OLIG3: variants seen among roughly 807,000 people sequenced by gnomAD.
OLIG3 encodes class B basic helix-loop-helix protein 7.
A neutral mutation model predicts 14.7 loss-of-function variants in OLIG3; 12 were observed. The ratio of observed to expected loss-of-function variants is 0.82; its 90% CI spans 0.52 to 1.32. OLIG3 has a LOEUF of 1.32. Among genes scored for constraint, OLIG3 ranks in the 40% most tolerant of loss-of-function variants. The pLI is 0.00. For synonymous variants in OLIG3, 192 were observed against 171.4 expected, an observed-to-expected ratio of 1.12 and a Z score of -0.94; for missense variants, 405 against 373.7, an observed-to-expected ratio of 1.08 and a Z score of -0.69.
Position 137,493,703 on chromosome 6 carries a change from G to T in OLIG3, c.468C>A (p.His156Gln). The T allele has an allele frequency of 1.2e-6, 2 of 1,612,942 alleles. No homozygotes were observed. The highest frequency in any genetic ancestry group is 8.5e-7 in the Non-Finnish European group (1 of 1,180,026). The change falls in exon 1 of 1, where the codon CAC becomes CAA. Residue 156 changes from histidine to glutamine, a missense_variant. His to Gln is a conservative substitution (Grantham distance 24, BLOSUM62 0). Transcript: ENST00000367734. The surrounding 1 kb of genome is among the most constrained non-coding windows in gnomAD (Gnocchi z 6.1). The stretch of plus-strand genomic sequence containing the variant: ...CCACGGTCCCGCAGTGAAAGGCCGA[G>T]TGGTGGCCCCCATAGATCTCGCCAA... Reference protein sequence around the residue: ...RLVGEIYGGHHSAFHCGTVGH... With the variant: ...RLVGEIYGGHQSAFHCGTVGH...
rs773651981 is a variant in OLIG3, at chr6:137,493,315, C to A, written c.*37G>T. ...CCCGGCACCGCGGCCCCTCCCGCCG[C>A]TCTCCCTCCTCCTTGGCAGCCGGGC... On this transcript the variant is annotated 3_prime_UTR_variant, in exon 1 of 1. Transcript: ENST00000367734. The surrounding 1 kb of genome is among the most constrained non-coding windows in gnomAD (Gnocchi z 6.1). The A allele has an allele frequency of 6.1e-5, 91 of 1,483,404 alleles. No homozygotes were observed. The Middle Eastern group carries it at 1.4e-3, about 24-fold the overall frequency. 91.9% of individuals were successfully genotyped at this position (1,483,404 alleles called of 1,614,324 possible). A position where few individuals can be genotyped will look rare whatever the true frequency, so the allele number is the denominator to read the frequency against.
chr6:137,492,313 G>T lies in OLIG3; in HGVS notation c.*1039C>A, dbSNP rs905244133. 1 of 152,616 alleles carries T rather than the reference G, an allele frequency of 6.6e-6. No homozygotes were observed. Among genetic ancestry groups the T allele is most frequent in the African/African-American group, 2.4e-5 (1 of 41,392 alleles). 9.5% of individuals were successfully genotyped at this position (152,616 alleles called of 1,614,324 possible). On this transcript the variant is annotated 3_prime_UTR_variant, in exon 1 of 1. Coordinates refer to ENST00000367734, the MANE Select transcript of OLIG3 (RefSeq NM_175747.2). ...AATAAAGACAGGTATCGTCTTTGAGGCCCTAACAAAATATTTCAAGCAAAT... is the reference window on the plus strand; with the variant it reads ...AATAAAGACAGGTATCGTCTTTGAGTCCCTAACAAAATATTTCAAGCAAAT...
rs1373280784 is a variant in OLIG3 at position 137,493,153 on chromosome 6, A to G, written c.*199T>C. The G allele has an allele frequency of 3.8e-6, 2 of 530,598 alleles. No individual in the cohort carries two copies. Among genetic ancestry groups the G allele is most frequent in the Non-Finnish European group, 6.6e-6 (2 of 305,252 alleles). The allele number at this position is 530,598 out of a possible 1,614,324, so 32.9% of individuals were successfully genotyped here. A position where few individuals can be genotyped will look rare whatever the true frequency, so the allele number is the denominator to read the frequency against. The stretch of plus-strand genomic sequence containing the variant: ...CGAGTCCCCCTTTGCTACCACCTAG[A>G]AATTGCGGTTTGATTTTGGTCCTTT... On this transcript the variant is annotated 3_prime_UTR_variant, in exon 1 of 1. Transcript: ENST00000367734. This position sits in a 1 kb window ranked among gnomAD's most constrained non-coding sequence, Gnocchi z 6.1.
rs1292967870 is a variant in OLIG3, at chr6:137,493,536, G to A, written c.635C>T (p.Pro212Leu). 6.3e-7 allele frequency: 1 copy of A among 1,581,526 alleles called. No individual in the cohort carries two copies. Residue 212 changes from proline to leucine, a missense_variant, in exon 1 of 1, where the codon CCC becomes CTC. Physicochemically the swap from Pro to Leu is moderately conservative, Grantham distance 98. This residue lies in a region of OLIG3 where 230 missense variants were observed against 178.5 expected (regional missense o/e 1.29). Coordinates refer to ENST00000367734, the MANE Select transcript of OLIG3 (RefSeq NM_175747.2). This position sits in a 1 kb window ranked among gnomAD's most constrained non-coding sequence, Gnocchi z 6.1. Reference sequence around the variant, plus strand: ...GGAGGGCGCCTTGAGTAGCGAGTGGGGAGGCCGGATGGTGCCGATGGCGGG... The same window carrying A: ...GGAGGGCGCCTTGAGTAGCGAGTGGAGAGGCCGGATGGTGCCGATGGCGGG... ...SLPAIGTIRPPHSLLKAPSTP... is the reference protein window; with the variant it reads ...SLPAIGTIRPLHSLLKAPSTP...
At position 137,492,440 on chromosome 6, in the gene OLIG3, G is replaced by C. The variant is rs188211517; in HGVS notation, c.*912C>G. 1.3e-5 allele frequency: 2 copies of C among 152,706 alleles called. No individual in the cohort carries two copies. The highest frequency in any genetic ancestry group is 4.8e-5 in the African/African-American group (2 of 41,514). The allele number at this position is 152,706 out of a possible 1,614,324, so 9.5% of individuals were successfully genotyped here. ...CGCATGCAGAATAACTGAGCGAGGG[G>C]GGGTGGCGCAAGCTACTAGAGGGAG... On this transcript the variant is annotated 3_prime_UTR_variant, in exon 1 of 1. Coordinates refer to ENST00000367734, the MANE Select transcript of OLIG3 (RefSeq NM_175747.2).
At position 137,493,412 on chromosome 6, in the gene OLIG3, G is replaced by A; in HGVS notation, c.759C>T (p.Ser253=). 2 of 1,592,870 alleles carry A rather than the reference G, an allele frequency of 1.3e-6. No individual in the cohort carries two copies. Among genetic ancestry groups the A allele is most frequent in the Non-Finnish European group, 1.7e-6 (2 of 1,175,588 alleles). The change falls in exon 1 of 1, where the codon TCC becomes TCT. Residue 253 remains serine (S), a synonymous_variant. Transcript: ENST00000367734. This position sits in a 1 kb window ranked among gnomAD's most constrained non-coding sequence, Gnocchi z 6.1. ...GGGCCATGTTGGCTGTGGAGAGAGC[G>A]GACAGGTGCGGCGGCGGCGGCATCT... ...ICQMPPPPHL[S]ALSTANMARL...
In OLIG3 at chr6:137,493,187, G is replaced by C; in HGVS notation, c.*165C>G. 2 of 570,030 alleles carry C rather than the reference G, an allele frequency of 3.5e-6. No homozygotes were observed. Among genetic ancestry groups the C allele is most frequent in the Non-Finnish European group, 2.9e-6 (1 of 341,858 alleles). The allele number at this position is 570,030 out of a possible 1,614,324, so 35.3% of individuals were successfully genotyped here. ...TTTGATTTTGGTCCTTTCCCTCCGG[G>C]GGTCAAGTGGAGTCTGAGATCTCTC... On this transcript the variant is annotated 3_prime_UTR_variant, in exon 1 of 1. Transcript: ENST00000367734. This position sits in a 1 kb window ranked among gnomAD's most constrained non-coding sequence, Gnocchi z 6.1.
In OLIG3 at chr6:137,493,967, G is replaced by T; in HGVS notation, c.204C>A (p.Ser68Arg). 2 of 1,614,084 alleles carry T rather than the reference G, an allele frequency of 1.2e-6. No individual in the cohort carries two copies. Among genetic ancestry groups the T allele is most frequent in the Non-Finnish European group, 1.7e-6 (2 of 1,180,048 alleles). Residue 68 changes from serine (S) to arginine (R), a missense_variant, in exon 1 of 1, where the codon AGC becomes AGA. By Grantham distance (110) the Ser-to-Arg change is moderately radical. This residue lies in a region of OLIG3 where 165 missense variants were observed against 165.5 expected (regional missense o/e 1.00). Transcript: ENST00000367734. This position sits in a 1 kb window ranked among gnomAD's most constrained non-coding sequence, Gnocchi z 6.1. ...ACAGCTGCTTCTTGATTTTGTACTT[G>T]CTGCTCTCTCCCGCGGCCTTGGCGC... is the stretch of plus-strand genomic sequence containing the variant. ...RAGAKAAGES[S>R]KYKIKKQLSE...
chr6:137,494,196 C>A lies in OLIG3; in HGVS notation c.-26G>T, dbSNP rs377491902. Reference sequence around the variant, plus strand: ...TTTATTACAGGGGATGCGGCCCTACCGTGGGGAGGCTTTAGGCGGGAAATT... The same window carrying A: ...TTTATTACAGGGGATGCGGCCCTACAGTGGGGAGGCTTTAGGCGGGAAATT... On this transcript the variant is annotated 5_prime_UTR_variant, in exon 1 of 1. Transcript: ENST00000367734. 1 of 1,566,184 alleles carries A rather than the reference C, an allele frequency of 6.4e-7. No homozygotes were observed. The highest frequency in any genetic ancestry group is 8.7e-7 in the Non-Finnish European group (1 of 1,152,496).
rs770588790 is a variant in OLIG3 at position 137,494,103 on chromosome 6, C to T, written c.68G>A (p.Arg23Lys). ...SSPDMDEMYL[R>K]DHHHRHHHHQ... ...GTGGTGGTGGCGGTGGTGGTGGTCC[C>T]TCAGGTACATCTCATCCATGTCCGG... The change falls in exon 1 of 1, where the codon AGG becomes AAG. Residue 23 changes from arginine (R) to lysine (K), a missense_variant. By Grantham distance (26) the Arg-to-Lys change is conservative. Coordinates refer to ENST00000367734, the MANE Select transcript of OLIG3 (RefSeq NM_175747.2). 2 of 1,613,220 alleles carry T rather than the reference C, an allele frequency of 1.2e-6. No homozygotes were observed. Among genetic ancestry groups the T allele is most frequent in the South Asian group, 1.1e-5 (1 of 91,082 alleles).
chr6:137,492,965 A>C lies in OLIG3; in HGVS notation c.*387T>G, dbSNP rs1174749248. ...CCGTCTTTTTCCAAAGCGAGAACAC[A>C]GAGTCAGAGAAAGCCAACTCAAAAG... On this transcript the variant is annotated 3_prime_UTR_variant, in exon 1 of 1. Transcript: ENST00000367734. 5.4e-6 allele frequency: 1 copy of C among 184,554 alleles called. No homozygotes were observed. Among genetic ancestry groups the C allele is most frequent in the African/African-American group, 2.4e-5 (1 of 42,484 alleles). The allele number at this position is 184,554 out of a possible 1,614,324, so 11.4% of individuals were successfully genotyped here.
In OLIG3 at chr6:137,494,254, G is replaced by T. The variant is rs1433976717; in HGVS notation, c.-84C>A. On this transcript the variant is annotated 5_prime_UTR_variant, in exon 1 of 1. Coordinates refer to ENST00000367734, the MANE Select transcript of OLIG3 (RefSeq NM_175747.2). The stretch of plus-strand genomic sequence containing the variant: ...ATCTTGAATTAAAAAAAAAAAATCT[G>T]CACTGCCCAGGAACCCACTTCTCCG... 14 of 1,125,870 alleles carry T rather than the reference G, an allele frequency of 1.2e-5. No individual in the cohort carries two copies. Among genetic ancestry groups the T allele is most frequent in the Non-Finnish European group, 1.8e-5 (14 of 781,522 alleles). The allele number at this position is 1,125,870 out of a possible 1,614,324, so 69.7% of individuals were successfully genotyped here. A position where few individuals can be genotyped will look rare whatever the true frequency, so the allele number is the denominator to read the frequency against.
In OLIG3 at chr6:137,493,326, C is replaced by T. The variant is rs1384063947; in HGVS notation, c.*26G>A. 1.3e-6 allele frequency: 2 copies of T among 1,521,376 alleles called. No homozygotes were observed. The highest frequency in any genetic ancestry group is 4.0e-5 in the Admixed American group (2 of 50,498). The allele number at this position is 1,521,376 out of a possible 1,614,324, so 94.2% of individuals were successfully genotyped here. On this transcript the variant is annotated 3_prime_UTR_variant, in exon 1 of 1. Coordinates refer to ENST00000367734, the MANE Select transcript of OLIG3 (RefSeq NM_175747.2). This position sits in a 1 kb window ranked among gnomAD's most constrained non-coding sequence, Gnocchi z 6.1. ...GGCCCCTCCCGCCGCTCTCCCTCCT[C>T]CTTGGCAGCCGGGCCCGCCCGCTGC...
In OLIG3 at chr6:137,493,263, G is replaced by A. The variant is rs187394049; in HGVS notation, c.*89C>T. The A allele has an allele frequency of 8.4e-5, 93 of 1,112,846 alleles. No individual in the cohort carries two copies. In the African/African-American group the frequency reaches 1.4e-3, roughly 17 times the overall value. The allele number at this position is 1,112,846 out of a possible 1,614,324, so 68.9% of individuals were successfully genotyped here. ...CGGAGCCTGCCCTCCCGTGGGCCGA[G>A]CGTGCAGCCTCCCTCTTCCCTCCCG... On this transcript the variant is annotated 3_prime_UTR_variant, in exon 1 of 1. Coordinates refer to ENST00000367734, the MANE Select transcript of OLIG3 (RefSeq NM_175747.2). The surrounding 1 kb of genome is among the most constrained non-coding windows in gnomAD (Gnocchi z 6.1).
rs766282307 is a variant in OLIG3 at position 137,493,814 on chromosome 6, G to A, written c.357C>T (p.Arg119=). The stretch of plus-strand genomic sequence containing the variant: ...GGAGTGTGGCGATCTTGGAGAGCTT[G>A]CGCACCGACGGCCCATGCGCGTAGG... ...VMPYAHGPSV[R]KLSKIATLLL... is the part of the protein sequence containing the mutation. Residue 119 remains arginine, a synonymous_variant, in exon 1 of 1, where the codon CGC becomes CGT. Transcript: ENST00000367734. The surrounding 1 kb of genome is among the most constrained non-coding windows in gnomAD (Gnocchi z 6.1). The A allele has an allele frequency of 1.9e-5, 31 of 1,614,110 alleles. No individual in the cohort carries two copies. Among genetic ancestry groups the A allele is most frequent in the African/African-American group, 4.0e-5 (3 of 74,952 alleles).
In OLIG3 at chr6:137,493,907, G is replaced by C; in HGVS notation, c.264C>G (p.Ile88Met). The change falls in exon 1 of 1, where the codon ATC (isoleucine) becomes ATG (methionine). Residue 88 changes from isoleucine (I) to methionine (M), a missense_variant. Physicochemically the swap from Ile to Met is conservative, Grantham distance 10. Coordinates refer to ENST00000367734, the MANE Select transcript of OLIG3 (RefSeq NM_175747.2). The surrounding 1 kb of genome is among the most constrained non-coding windows in gnomAD (Gnocchi z 6.1). ...EQDLQQLRLKINGRERKRMHD... is the reference protein window; with the variant it reads ...EQDLQQLRLKMNGRERKRMHD... ...GCATCCGCTTGCGTTCGCGTCCGTTGATCTTCAGCCTCAACTGCTGTAGGT... is the reference window on the plus strand; with the variant it reads ...GCATCCGCTTGCGTTCGCGTCCGTTCATCTTCAGCCTCAACTGCTGTAGGT... The C allele has an allele frequency of 6.2e-7, 1 of 1,614,224 alleles. No homozygotes were observed. The highest frequency in any genetic ancestry group is 8.5e-7 in the Non-Finnish European group (1 of 1,180,040).
Position 137,492,399 on chromosome 6 carries a change from T to C in OLIG3, c.*953A>G, listed in dbSNP as rs542728732. The C allele has an allele frequency of 7.1e-4, 108 of 152,400 alleles. 1 individual carries two copies. Among genetic ancestry groups the C allele is most frequent in the African/African-American group, 2.5e-3 (104 of 41,402 alleles). 9.4% of individuals were successfully genotyped at this position (152,400 alleles called of 1,614,324 possible). On this transcript the variant is annotated 3_prime_UTR_variant, in exon 1 of 1. Coordinates refer to ENST00000367734, the MANE Select transcript of OLIG3 (RefSeq NM_175747.2). ...CAGGATAAGTTTTCAAAGCTGATAA[T>C]AGAGAGAGCCAACCCCGCATGCAGA...
Position 137,493,407 on chromosome 6 carries a change from A to G in OLIG3, c.764T>C (p.Leu255Pro), listed in dbSNP as rs760802172. The G allele has an allele frequency of 7.5e-6, 12 of 1,594,008 alleles. No homozygotes were observed. The African/African-American group carries it at 8.0e-5, about 11-fold the overall frequency. The change falls in exon 1 of 1, where the codon CTC (leucine) becomes CCC (proline). Residue 255 changes from leucine to proline, a missense_variant. Coordinates refer to ENST00000367734, the MANE Select transcript of OLIG3 (RefSeq NM_175747.2). The surrounding 1 kb of genome is among the most constrained non-coding windows in gnomAD (Gnocchi z 6.1). ...QMPPPPHLSA[L>P]STANMARLSA... ...CAGCCGGGCCATGTTGGCTGTGGAG[A>G]GAGCGGACAGGTGCGGCGGCGGCGG...
At position 137,493,580 on chromosome 6, in the gene OLIG3, C is replaced by A; in HGVS notation, c.591G>T (p.Pro197=). The A allele has an allele frequency of 1.9e-6, 3 of 1,593,656 alleles. No homozygotes were observed. The highest frequency in any genetic ancestry group is 2.6e-6 in the Non-Finnish European group (3 of 1,172,090). The change falls in exon 1 of 1, where the codon CCG becomes CCT. Residue 197 remains proline, a synonymous_variant. Transcript: ENST00000367734. This position sits in a 1 kb window ranked among gnomAD's most constrained non-coding sequence, Gnocchi z 6.1. ...TGGCGGGAAGTGAGGCGGCGGACAG[C>A]GGTGACGAGGCGTTGCCAGATGAGA... is the stretch of plus-strand genomic sequence containing the variant. ...GALSSGNASS[P]LSAASLPAIG...
Sources: allele counts gnomAD v4.1 joint callset, GRCh38; gene constraint gnomAD v4.1.1; regional missense constraint gnomAD v4.1.1; non-coding constraint Gnocchi (gnomAD v3.1); transcripts MANE v1.5; gene names NCBI Gene and HGNC (gene_info 2026-07-23, HGNC 2026-07-21).